The following CSMD3 variants were observed in gnomAD, a reference collection of about 807,000 sequenced individuals.
CSMD3 encodes the protein CUB and sushi domain-containing protein 3.
Under a neutral mutation model 435.2 loss-of-function variants are expected in CSMD3, and 177 were observed. That is an observed-to-expected ratio of 0.41 (90% CI 0.36 to 0.46). The LOEUF (loss-of-function observed/expected upper bound fraction) is 0.46, where lower values mean the gene tolerates loss of function less well. CSMD3 is among the 20% of genes least tolerant of loss of function. The pLI, the probability that CSMD3 is intolerant of heterozygous loss-of-function variation, is 0.34. For synonymous variants in CSMD3, 1,656 were observed against 1,520.5 expected, an observed-to-expected ratio of 1.09 and a Z score of -2.07; for missense variants, 4,265 against 4,504.6, an observed-to-expected ratio of 0.95 and a Z score of 1.52.
chr8:112,708,341 T>C (rs1007882595), intron 13 of CSMD3, among the ~76,000 whole-genome samples: 4 of 152,208 alleles, frequency 2.6e-5, no homozygotes, highest in African/African-American at 7.2e-5. Context: ...CATCTGGTTA[T>C]AATGGAGTTA....
chr8:113,019,814 A>AT (rs1366784617), intron 5 of CSMD3, among the ~76,000 whole-genome samples: 1 of 152,106 alleles, frequency 6.6e-6, no homozygotes, highest in East Asian at 1.9e-4. Context: ...TAGAACAAGC[A>AT]TTGCTTTTAT....
rs763055388 is a variant in CSMD3, at chr8:112,228,811, C to T, written c.10909G>A (p.Val3637Met). 6.3e-7 allele frequency: 1 copy of T among 1,590,198 alleles called. No homozygotes were observed. Among genetic ancestry groups the T allele is most frequent in the Non-Finnish European group, 8.6e-7 (1 of 1,159,050 alleles). Reference sequence around the variant, plus strand: ...GCAAATATAAGTGCAAAAAAAGGCACAAGAATAGCAATGGCTACAGAACTA... The same window carrying T: ...GCAAATATAAGTGCAAAAAAAGGCATAAGAATAGCAATGGCTACAGAACTA... ...NSSSVAIAIL[V>M]PFFALIFAGF... The change falls in exon 70 of 71, where the codon GTG becomes ATG. Residue 3637 changes from valine to methionine, a missense_variant. Val to Met is a conservative substitution (Grantham distance 21). Around this residue, in one of 3 missense-constraint regions of CSMD3, gnomAD observed 3,255 missense variants for 3,380.2 expected, o/e 0.96. Transcript: ENST00000297405.
chr8:113,279,461 A>C (rs2132463736), intron 2 of CSMD3, among the ~76,000 whole-genome samples: 1 of 151,750 alleles, frequency 6.6e-6, no homozygotes, highest in Non-Finnish European at 1.5e-5. Flanking sequence ...GTATTCACTC[A>C]GTTGTATTAA....
chr8:112,551,239 G>C (rs1827659912), intron 26 of CSMD3, among the ~76,000 whole-genome samples: 1 of 152,078 alleles, frequency 6.6e-6, no homozygotes, highest in South Asian at 2.1e-4. Flanking sequence ...TTGTTATAAT[G>C]ACCCAATGAA....
chr8:112,341,777 A>ATC, intron 41 of CSMD3, 91 bp from the exon 42 acceptor site: 1 of 855,628 alleles, frequency 1.2e-6, no homozygotes, highest in Non-Finnish European at 1.9e-6. Flanking sequence ...ATGTACTTAG[A>ATC]TAAGTTTGCA....
intron 7 of CSMD3, 42 bp from the exon 8 acceptor site, chr8:112,954,803 AT>A: frequency 1.7e-6 from 2 of 1,170,024 alleles, no homozygotes; most frequent in Non-Finnish European, 2.5e-6. Context: ...AGGAAATACA[AT>A]TTTAAAATGA....
At chr8:112,811,580 T>C (rs998240370) in intron 12 of CSMD3, among the ~76,000 whole-genome samples, 18 of 152,162 alleles carry the variant, frequency 1.2e-4, no homozygotes, top group Admixed American at 1.2e-3. Flanking sequence ...AAGATAGAAG[T>C]GTATATTTTT....
At chr8:113,259,049 C>T (rs2093405903) in intron 3 of CSMD3, among the ~76,000 whole-genome samples, 1 of 152,108 alleles carries the variant, frequency 6.6e-6, no homozygotes, top group Admixed American at 6.6e-5. Context: ...ATTTGGAATT[C>T]AGGAAAGATA....
chr8:112,628,336 A>G (rs573624220), intron 22 of CSMD3, among the ~76,000 whole-genome samples: 1 of 152,108 alleles, frequency 6.6e-6, no homozygotes, highest in Non-Finnish European at 1.5e-5. Context: ...TGTTTCTATC[A>G]ATCATAATCA....
intron 32 of CSMD3, among the ~76,000 whole-genome samples, chr8:112,428,731 C>T (rs947211213): frequency 1.3e-5 from 2 of 152,034 alleles, no homozygotes; most frequent in South Asian, 4.1e-4. Context: ...ACATATATGA[C>T]ATGTATCACT....
rs183091191 is a variant in CSMD3 at position 112,901,316 on chromosome 8, A to G, written c.1633+20311T>C. 3.3e-3 allele frequency among the ~76,000 whole-genome samples: 497 copies of G among 151,278 alleles called. 4 individuals are homozygous for G. Among genetic ancestry groups the G allele is most frequent in the African/African-American group, 0.01 (431 of 41,380 alleles). ...TAAATACAACATTAAAAGATCTTAC[A>G]ATTTTGTCAGTGGGTCCAGGCTGCT... On this transcript the variant is annotated intron_variant, in intron 10 of 70. Transcript: ENST00000297405.
chr8:112,782,197 A>C (rs2078406727), intron 13 of CSMD3, among the ~76,000 whole-genome samples: 1 of 147,624 alleles, frequency 6.8e-6, no homozygotes, highest in Non-Finnish European at 1.5e-5. Flanking sequence ...AACACAGAGA[A>C]GGAATTAGAA....
chr8:113,221,756 G>C (rs1258804152), intron 3 of CSMD3, among the ~76,000 whole-genome samples: 1 of 151,162 alleles, frequency 6.6e-6, no homozygotes, highest in East Asian at 1.9e-4. Context: ...TGTCTTATCA[G>C]AGAGACATAT....
intron 13 of CSMD3, among the ~76,000 whole-genome samples, chr8:112,723,077 C>T (rs1049472731): frequency 2.0e-5 from 3 of 149,294 alleles, no homozygotes; most frequent in African/African-American, 7.4e-5. Flanking sequence ...ATTGATAAAA[C>T]GTAGTGTTAA....
At chr8:113,303,283 T>C (rs75957479) in intron 2 of CSMD3, among the ~76,000 whole-genome samples, 106,512 of 115,174 alleles carry the variant, frequency 0.92, 49,486 homozygotes, top group East Asian at 1. Flanking sequence ...AATGGAAGAA[T>C]ATTCCATGCT....
intron 3 of CSMD3, among the ~76,000 whole-genome samples, chr8:113,192,483 A>T (rs895567093): frequency 3.0e-4 from 46 of 151,462 alleles, no homozygotes; most frequent in African/African-American, 1.1e-3. Flanking sequence ...TTCTCCCCTT[A>T]ATGTTACTAA....
rs907985656 is a variant in CSMD3, at chr8:112,244,524, C to T, written c.10272G>A (p.Gly3424=). 5.6e-6 allele frequency: 9 copies of T among 1,613,734 alleles called. No homozygotes were observed. The highest frequency in any genetic ancestry group is 5.3e-5 in the African/African-American group (4 of 74,896). Residue 3424 remains glycine (G), a synonymous_variant, in exon 65 of 71, where the codon GGG becomes GGA. Transcript: ENST00000297405. ...PETPAHANVV[G]MDLPSHGYTL... ...TATACCCATGAGATGGAAGGTCCAT[C>T]CCTACGACATTTGCATGAGCAGGAG...
chr8:112,924,777 G>A (rs185521321), intron 9 of CSMD3, among the ~76,000 whole-genome samples: 2 of 152,080 alleles, frequency 1.3e-5, no homozygotes, highest in East Asian at 3.9e-4. Flanking sequence ...TTAGAGTAGT[G>A]GTGAACAGTT....
chr8:112,449,703 G>A (rs928583958), intron 32 of CSMD3, among the ~76,000 whole-genome samples: 1 of 152,034 alleles, frequency 6.6e-6, no homozygotes, highest in African/African-American at 2.4e-5. Flanking sequence ...AATAGTGCTC[G>A]GTCATCATTG....
Sources: allele counts gnomAD v4.1 joint callset (sites outside exome capture counted in the v4.1 genomes callset), GRCh38; gene constraint gnomAD v4.1.1; regional missense constraint gnomAD v4.1.1; transcripts MANE v1.5; gene names NCBI Gene and HGNC (gene_info 2026-07-23, HGNC 2026-07-21).